FRMPD2: variants seen among roughly 807,000 people sequenced by gnomAD.
FRMPD2 encodes FERM and PDZ domain-containing protein 2.
In FRMPD2, 96 loss-of-function variants were observed where a neutral mutation model predicts 140.1. The observed-to-expected ratio is 0.69, with a 90% CI of 0.58 to 0.81. The LOEUF is 0.81. Ranked by LOEUF, FRMPD2 falls within the 40% of genes least tolerant of loss-of-function variation. The probability of loss-of-function intolerance (pLI) is 0.00; values close to 1 mark genes in which losing one functional copy is unlikely to be tolerated. For synonymous variants in FRMPD2, 449 were observed against 547.6 expected (o/e 0.82, Z 2.52); for missense variants, 1,240 against 1,447.4 (o/e 0.86, Z 2.32).
intron 7 of FRMPD2, among the ~76,000 whole-genome samples, chr10:48,238,474 A>AT (rs1840022746): frequency 6.6e-6 from 1 of 152,206 alleles, no homozygotes; most frequent in Non-Finnish European, 1.5e-5. Flanking sequence ...AGAATTTGAT[A>AT]TGTTGTTCAA....
Position 48,185,552 on chromosome 10 carries a change from C to T in FRMPD2, c.2359+1G>A. On this transcript the variant is annotated splice_donor_variant, in intron 18 of 28. Coordinates refer to ENST00000374201, the MANE Select transcript of FRMPD2 (RefSeq NM_001018071.4). LOFTEE classifies it high-confidence loss of function. Reference sequence around the variant, plus strand: ...GCCTCACCTACAGGGAGCCCTCTTACCAAAACCACGATGTGGGTCACGTTT... The same window carrying T: ...GCCTCACCTACAGGGAGCCCTCTTATCAAAACCACGATGTGGGTCACGTTT... 1 of 1,613,340 alleles carries T rather than the reference C, an allele frequency of 6.2e-7. No individual in the cohort carries two copies.
intron 13 of FRMPD2, 101 bp downstream of exon 13, chr10:48,211,853 G>T: frequency 9.0e-7 from 1 of 1,105,950 alleles, no homozygotes; most frequent in East Asian, 2.6e-5. Context: ...GCCTCCTTGT[G>T]GGTCTGCACA....
chr10:48,234,368 C>T (rs1266366696), intron 9 of FRMPD2, among the ~76,000 whole-genome samples: 2 of 152,208 alleles, frequency 1.3e-5, no homozygotes, highest in African/African-American at 2.4e-5. Context: ...TGCTTTTGAA[C>T]ACAGGGTGCT....
intron 13 of FRMPD2, among the ~76,000 whole-genome samples, chr10:48,208,655 T>C (rs929468050): frequency 2.6e-5 from 4 of 152,242 alleles, no homozygotes; most frequent in Admixed American, 1.3e-4. Context: ...ATCTTCAATC[T>C]GTAAAACAAT....
chr10:48,187,625 A>C (rs771635717), intron 16 of FRMPD2, among the ~76,000 whole-genome samples: 2 of 152,346 alleles, frequency 1.3e-5, no homozygotes, highest in East Asian at 3.9e-4. Flanking sequence ...AAATAAGAAT[A>C]ACATTCCTAC....
intron 5 of FRMPD2, among the ~76,000 whole-genome samples, chr10:48,241,195 T>C (rs547129058): frequency 3.3e-5 from 5 of 152,186 alleles, no homozygotes; most frequent in Non-Finnish European, 5.9e-5. Context: ...CCTTCTCTGA[T>C]GGCAGAGGCC....
At chr10:48,198,105 T>A (rs1245248802) in intron 15 of FRMPD2, among the ~76,000 whole-genome samples, 1 of 152,380 alleles carries the variant, frequency 6.6e-6, no homozygotes. Flanking sequence ...ACTTGTCTTA[T>A]GTGATGTGTG....
At chr10:48,180,012 G>A (rs1838504742) in intron 21 of FRMPD2, among the ~76,000 whole-genome samples, 1 of 152,172 alleles carries the variant, frequency 6.6e-6, no homozygotes, top group Non-Finnish European at 1.5e-5. Flanking sequence ...GGGAGTGGTC[G>A]ATGGACCCTG....
chr10:48,248,965 A>G, intron 3 of FRMPD2, 56 bp downstream of exon 3: 1 of 1,494,466 alleles, frequency 6.7e-7, no homozygotes, highest in Non-Finnish European at 9.0e-7. Context: ...TGCCGCTGGG[A>G]CAGGCCTTTC....
Position 48,186,461 on chromosome 10 carries a change from G to A in FRMPD2, c.2266+731C>T, listed in dbSNP as rs140444215. Reference sequence around the variant, plus strand: ...CCAGGGGGAAGTAACTGAATCACGGGGGCTGGTCTTTCCCATGCTATTCTC... The same window carrying A: ...CCAGGGGGAAGTAACTGAATCACGGAGGCTGGTCTTTCCCATGCTATTCTC... On this transcript the variant is annotated intron_variant, in intron 17 of 28. Coordinates refer to ENST00000374201, the MANE Select transcript of FRMPD2 (RefSeq NM_001018071.4). Among the ~76,000 whole-genome samples the A allele has an allele frequency of 6.5e-3, 983 of 152,252 alleles. 7 individuals carry two copies. The highest frequency in any genetic ancestry group is 0.022 in the African/African-American group (896 of 41,516).
In FRMPD2 at chr10:48,260,701, T is replaced by G. The variant is rs1290112122; in HGVS notation, c.26-9010A>C. On this transcript the variant is annotated intron_variant, in intron 1 of 28. Coordinates refer to ENST00000374201, the MANE Select transcript of FRMPD2 (RefSeq NM_001018071.4). ...CTCACTAAAGGTCTGTTTATCTCAG[T>G]TCCTATTACCCCATACATCATGTCC... Among the ~76,000 whole-genome samples the G allele has an allele frequency of 3.3e-5, 5 of 152,206 alleles. No homozygotes were observed. The South Asian group carries it at 6.2e-4, about 19-fold the overall frequency.
chr10:48,227,663 G>C (rs1343741487), intron 10 of FRMPD2, among the ~76,000 whole-genome samples: 2 of 152,150 alleles, frequency 1.3e-5, no homozygotes, highest in East Asian at 3.8e-4. Context: ...TATACCTTTG[G>C]ATATTTGGAC....
At chr10:48,223,307 A>C (rs1839652948) in intron 10 of FRMPD2, 37 bp from the exon 11 acceptor site, 2 of 1,590,818 alleles carry the variant, frequency 1.3e-6, no homozygotes, top group Non-Finnish European at 8.6e-7. Flanking sequence ...AAGGAGAAGC[A>C]GTAGGGATTG....
At chr10:48,208,056 A>C (rs987437362) in intron 13 of FRMPD2, among the ~76,000 whole-genome samples, 2 of 151,120 alleles carry the variant, frequency 1.3e-5, no homozygotes, top group Non-Finnish European at 3.0e-5. Flanking sequence ...CATCATCATC[A>C]TTATCATCAT....
At chr10:48,221,760 C>T (rs908052061) in intron 12 of FRMPD2, among the ~76,000 whole-genome samples, 2 of 152,136 alleles carry the variant, frequency 1.3e-5, no homozygotes, top group African/African-American at 4.8e-5. Flanking sequence ...ATTTATTCAT[C>T]TTTGTGCCTC....
chr10:48,219,852 G>A (rs145802522), intron 12 of FRMPD2, among the ~76,000 whole-genome samples: 7 of 152,202 alleles, frequency 4.6e-5, no homozygotes, highest in African/African-American at 1.7e-4. Flanking sequence ...GCTTGGCCAA[G>A]ATTAGGATTG....
chr10:48,270,383 C>T (rs1295038324), intron 1 of FRMPD2, among the ~76,000 whole-genome samples: 1 of 152,194 alleles, frequency 6.6e-6, no homozygotes, highest in African/African-American at 2.4e-5. Context: ...GATGTCCATT[C>T]CTGCCATCAG....
intron 21 of FRMPD2, among the ~76,000 whole-genome samples, chr10:48,180,167 G>A (rs529600440): frequency 6.6e-6 from 1 of 152,246 alleles, no homozygotes; most frequent in Non-Finnish European, 1.5e-5. Flanking sequence ...CTGAGGCTTC[G>A]ACTGGGCAGA....
chr10:48,232,872 C>T (rs1839883456), intron 9 of FRMPD2, among the ~76,000 whole-genome samples: 1 of 152,216 alleles, frequency 6.6e-6, no homozygotes, highest in African/African-American at 2.4e-5. Context: ...TCTCCCACCA[C>T]AGCCCCACCC....
Sources: allele counts gnomAD v4.1 joint callset (sites outside exome capture counted in the v4.1 genomes callset), GRCh38; gene constraint gnomAD v4.1.1; transcripts MANE v1.5; gene names NCBI Gene and HGNC (gene_info 2026-07-23, HGNC 2026-07-21).